The following KIF6 variants were observed in gnomAD, a reference collection of about 807,000 sequenced individuals.
KIF6 encodes the protein kinesin-like protein KIF6.
KIF6 carries 106 observed loss-of-function variants against 112.7 expected under a neutral mutation model. That is an observed-to-expected ratio of 0.94 (90% confidence interval 0.80 to 1.11). The LOEUF is 1.11. Among genes scored for constraint, KIF6 ranks in the 50% least tolerant of loss-of-function variants. KIF6 has a pLI of 0.00. For synonymous variants in KIF6, 339 were observed against 339.9 expected, an observed-to-expected ratio of 1.00 and a Z score of 0.03; for missense variants, 929 against 964.0, an observed-to-expected ratio of 0.96 and a Z score of 0.48.
At chr6:39,468,594 A>T (rs1562243369) in intron 13 of KIF6, among the ~76,000 whole-genome samples, 1 of 152,204 alleles carries the variant, frequency 6.6e-6, no homozygotes, top group African/African-American at 2.4e-5. Flanking sequence ...AAAAGCTGTC[A>T]ACCAAGACTC....
intron 3 of KIF6, among the ~76,000 whole-genome samples, chr6:39,700,054 C>G (rs949507638): frequency 6.6e-6 from 1 of 151,982 alleles, no homozygotes; most frequent in Non-Finnish European, 1.5e-5. Context: ...ATATTTAAGG[C>G]GATACATATG....
At chr6:39,434,391 C>G (rs1362850373) in intron 13 of KIF6, among the ~76,000 whole-genome samples, 1 of 150,512 alleles carries the variant, frequency 6.6e-6, no homozygotes, top group Non-Finnish European at 1.5e-5. Context: ...TGGTGAAACC[C>G]ATTTCTACTA....
At chr6:39,418,117 T>G (rs940876882) in intron 15 of KIF6, among the ~76,000 whole-genome samples, 8 of 152,316 alleles carry the variant, frequency 5.3e-5, no homozygotes, top group Non-Finnish European at 1.0e-4. Context: ...AGGATCAATT[T>G]CCTTATTGGT....
intron 13 of KIF6, among the ~76,000 whole-genome samples, chr6:39,467,600 C>T (rs531683239): frequency 3.7e-4 from 56 of 152,172 alleles, no homozygotes; most frequent in African/African-American, 1.2e-3. Context: ...CATAGGCTAA[C>T]GCTAAGGGAA....
chr6:39,369,463 T>G (rs564974772), intron 16 of KIF6, among the ~76,000 whole-genome samples: 3 of 152,290 alleles, frequency 2.0e-5, no homozygotes, highest in Admixed American at 6.5e-5. Context: ...CTGTACTTTA[T>G]TACAATCAGA....
intron 16 of KIF6, among the ~76,000 whole-genome samples, chr6:39,379,943 C>T (rs779153247): frequency 4.6e-5 from 7 of 152,222 alleles, no homozygotes; most frequent in African/African-American, 1.2e-4. Context: ...GTAACATCTA[C>T]GTCATTGGGT....
chr6:39,404,829 C>CT (rs1420717394), intron 15 of KIF6, among the ~76,000 whole-genome samples: 2 of 151,582 alleles, frequency 1.3e-5, no homozygotes, highest in African/African-American at 2.4e-5. Flanking sequence ...TTATTTATGT[C>CT]TTTTTTGATT....
At position 39,586,295 on chromosome 6, in the gene KIF6, A is replaced by C; in HGVS notation, c.956T>G (p.Ile319Ser). ...CCTTTTCTCCAAGGAGAGTGTTGCA[A>C]TCATAGTTGTCATGCAGTTCCCTCC... ...SLGGNCMTTMIATLSLEKRNL... is the reference protein window; with the variant it reads ...SLGGNCMTTMSATLSLEKRNL... The change falls in exon 8 of 23, where the codon ATT (isoleucine) becomes AGT (serine). Residue 319 changes from isoleucine (I) to serine (S), a missense_variant. Physicochemically the swap from Ile to Ser is moderately radical, Grantham distance 142. Transcript: ENST00000287152. 6.2e-7 allele frequency: 1 copy of C among 1,612,964 alleles called. No homozygotes were observed. Among genetic ancestry groups the C allele is most frequent in the Non-Finnish European group, 8.5e-7 (1 of 1,178,956 alleles).
intron 20 of KIF6, among the ~76,000 whole-genome samples, chr6:39,346,049 G>GCGCTCT (rs1763693911): frequency 1.0e-4 from 3 of 28,994 alleles, no homozygotes; most frequent in South Asian, 1.5e-3. Flanking sequence ...AAACTACAGT[G>GCGCTCT]CTCTCTCTCT....
chr6:39,586,399 G>A lies in KIF6; in HGVS notation c.852C>T (p.Ile284=), dbSNP rs776620803. The change falls in exon 8 of 23, where the codon ATC becomes ATT. Residue 284 remains isoleucine (I), a synonymous_variant. Coordinates refer to ENST00000287152, the MANE Select transcript of KIF6 (RefSeq NM_145027.6). ...NLSLHYLEQV[I]IALSEKHRSH... Reference sequence around the variant, plus strand: ...AACGGTGCTTTTCTGAAAGGGCAATGATAACCTGTGGTAAAGTAGAAAGAT... The same window carrying A: ...AACGGTGCTTTTCTGAAAGGGCAATAATAACCTGTGGTAAAGTAGAAAGAT... 1 of 1,613,760 alleles carries A rather than the reference G, an allele frequency of 6.2e-7. No individual in the cohort carries two copies. Among genetic ancestry groups the A allele is most frequent in the Non-Finnish European group, 8.5e-7 (1 of 1,179,722 alleles).
chr6:39,449,184 T>A (rs181585230), intron 13 of KIF6, among the ~76,000 whole-genome samples: 12 of 152,336 alleles, frequency 7.9e-5, no homozygotes, highest in Non-Finnish European at 1.2e-4. Context: ...ATATTCTCTA[T>A]ATAGCAACCC....
At chr6:39,367,964 A>C (rs751163115) in intron 16 of KIF6, among the ~76,000 whole-genome samples, 10 of 152,286 alleles carry the variant, frequency 6.6e-5, no homozygotes, top group Non-Finnish European at 1.3e-4. Context: ...TGGTGATTCC[A>C]ATGCTCACCC....
intron 15 of KIF6, among the ~76,000 whole-genome samples, chr6:39,390,683 G>A (rs1767807543): frequency 6.6e-6 from 1 of 152,132 alleles, no homozygotes. Flanking sequence ...GAGTTTCTGG[G>A]CAAAATCTGG....
chr6:39,611,599 A>G (rs1424162166), intron 6 of KIF6, among the ~76,000 whole-genome samples: 1 of 152,186 alleles, frequency 6.6e-6, no homozygotes, highest in African/African-American at 2.4e-5. Flanking sequence ...CTCCGAAAGA[A>G]AGTCAGTTAG....
intron 13 of KIF6, among the ~76,000 whole-genome samples, chr6:39,439,960 C>A (rs528586278): frequency 2.3e-4 from 35 of 152,298 alleles, no homozygotes; most frequent in Non-Finnish European, 4.1e-4. Context: ...TAAAAATTGA[C>A]AAAAGTACAA....
intron 16 of KIF6, among the ~76,000 whole-genome samples, chr6:39,382,142 C>A (rs749651938): frequency 3.9e-5 from 6 of 152,182 alleles, no homozygotes; most frequent in Non-Finnish European, 7.3e-5. Context: ...GTATTTTTCA[C>A]ATCATTGTTT....
At chr6:39,411,921 C>T (rs1189999097) in intron 15 of KIF6, among the ~76,000 whole-genome samples, 2 of 152,162 alleles carry the variant, frequency 1.3e-5, no homozygotes, top group Non-Finnish European at 2.9e-5. Flanking sequence ...AGAACATCCA[C>T]CATGGTAAAT....
At chr6:39,369,074 T>A (rs1487273505) in intron 16 of KIF6, among the ~76,000 whole-genome samples, 1 of 152,204 alleles carries the variant, frequency 6.6e-6, no homozygotes, top group African/African-American at 2.4e-5. Context: ...CCTCACCTTG[T>A]TTGAGAAGAC....
In KIF6 at chr6:39,333,138, A is replaced by G. The variant is rs1289492712; in HGVS notation, c.*3394T>C. On this transcript the variant is annotated 3_prime_UTR_variant, in exon 23 of 23. Transcript: ENST00000287152. ...TAAATCAGGTCCTTGTTGCTTCATC[A>G]TGGCTGTAGGTGGTGGTCCTGCTTT... 1 of 152,134 alleles carries G rather than the reference A, an allele frequency of 6.6e-6. No individual in the cohort carries two copies. The highest frequency in any genetic ancestry group is 1.5e-5 in the Non-Finnish European group (1 of 68,036). 9.4% of individuals were successfully genotyped at this position (152,134 alleles called of 1,614,324 possible). A position where few individuals can be genotyped will look rare whatever the true frequency, so the allele number is the denominator to read the frequency against.
Sources: gnomAD v4.1 joint callset for allele counts (sites outside exome capture counted in the v4.1 genomes callset) on GRCh38, gnomAD v4.1.1 for gene constraint, MANE v1.5 for transcripts, NCBI Gene and HGNC (gene_info 2026-07-23, HGNC 2026-07-21) for gene names.